TSPEAR: variants seen among roughly 807,000 people sequenced by gnomAD.
The protein encoded by TSPEAR is thrombospondin type laminin G domain and EAR repeats.
A neutral mutation model predicts 71.6 loss-of-function variants in TSPEAR; 69 were observed. The observed-to-expected ratio is 0.96, with a 90% CI of 0.79 to 1.18. TSPEAR has a LOEUF of 1.18. Among genes scored for constraint, TSPEAR ranks in the 50% most tolerant of loss-of-function variants. TSPEAR has a pLI of 0.00. For missense variants in TSPEAR, 971 were observed against 894.9 expected, an observed-to-expected ratio of 1.09 and a Z score of -1.09; for synonymous variants, 402 against 387.2, an observed-to-expected ratio of 1.04 and a Z score of -0.45.
intron 1 of TSPEAR, chr21:44,574,721 C>G: frequency 6.2e-7 from 1 of 1,609,336 alleles, no homozygotes. Context: ...GCGTGCCCGT[C>G]TGCTGCAAGC....
At chr21:44,551,549 G>C in intron 2 of TSPEAR, 1 of 1,312,460 alleles carries the variant, frequency 7.6e-7, no homozygotes, top group South Asian at 2.4e-5. Flanking sequence ...TGAGCCTGTT[G>C]GCTGCTGGGG....
At chr21:44,549,407 C>T (rs1555918177) in intron 2 of TSPEAR, among the ~76,000 whole-genome samples, 1 of 152,226 alleles carries the variant, frequency 6.6e-6, no homozygotes, top group African/African-American at 2.4e-5. Context: ...CAGTCAGGGC[C>T]ATCCACCTGG....
At chr21:44,620,521 C>T (rs1247898064) in intron 1 of TSPEAR, among the ~76,000 whole-genome samples, 4 of 152,180 alleles carry the variant, frequency 2.6e-5, no homozygotes, top group Admixed American at 2.6e-4. Context: ...TAGTGATGTT[C>T]CCATTTTCAT....
rs587763473 is a variant in TSPEAR at position 44,611,952 on chromosome 21, G to T, written c.83-43947C>A. ...AGTAAACTAATTAGGGTTGCCTGGA[G>T]GCAAAGTCTCAGCCACAACAAGGAA... On this transcript the variant is annotated intron_variant, in intron 1 of 11. Transcript: ENST00000323084. 7.4e-6 allele frequency: 6 copies of T among 814,110 alleles called. No homozygotes were observed. The Admixed American group carries it at 1.5e-4, about 20-fold the overall frequency. 50.4% of individuals were successfully genotyped at this position (814,110 alleles called of 1,614,324 possible). A position where few individuals can be genotyped will look rare whatever the true frequency, so the allele number is the denominator to read the frequency against.
intron 1 of TSPEAR, chr21:44,601,825 C>T: frequency 5.3e-6 from 8 of 1,515,150 alleles, no homozygotes; most frequent in Non-Finnish European, 6.2e-6. Flanking sequence ...ACATCCCGCT[C>T]CTAAGCCCTG....
At chr21:44,592,543 G>A in intron 1 of TSPEAR, 1 of 1,555,226 alleles carries the variant, frequency 6.4e-7, no homozygotes, top group Non-Finnish European at 8.7e-7. Flanking sequence ...GAGGCTCTCG[G>A]GCTTTTATTC....
At chr21:44,572,106 A>T (rs587649142) in intron 1 of TSPEAR, among the ~76,000 whole-genome samples, 1 of 152,302 alleles carries the variant, frequency 6.6e-6, no homozygotes, top group South Asian at 2.1e-4. Flanking sequence ...CTCCTGTGGG[A>T]TTCCTCCCCC....
chr21:44,612,685 G>T lies in TSPEAR; in HGVS notation c.83-44680C>A. On this transcript the variant is annotated intron_variant, in intron 1 of 11. Transcript: ENST00000323084. This position sits in a 1 kb window ranked among gnomAD's most constrained non-coding sequence, Gnocchi z 4.1. ...GCTGCCAGAAGTCTAGCTGCCAGCC[G>T]GCTTGCTGCACCACCTCCTGCTGCA... is the stretch of plus-strand genomic sequence containing the variant. The T allele has an allele frequency of 6.2e-7, 1 of 1,613,830 alleles. No homozygotes were observed.
intron 2 of TSPEAR, chr21:44,539,625 A>C (rs782121574): frequency 3.1e-6 from 5 of 1,612,662 alleles, no homozygotes; most frequent in Admixed American, 3.3e-5. Context: ...CAGGGGGAGG[A>C]GGTGCAGCAA....
intron 3 of TSPEAR, among the ~76,000 whole-genome samples, chr21:44,532,095 A>G (rs1555915830): frequency 1.3e-5 from 2 of 152,226 alleles, no homozygotes; most frequent in African/African-American, 4.8e-5. Context: ...CTGGCCCCCA[A>G]GCCCTGGCCT....
At position 44,646,679 on chromosome 21, in the gene TSPEAR, C is replaced by T. The variant is rs1360850328; in HGVS notation, c.82+64754G>A. 8 of 1,613,956 alleles carry T rather than the reference C, an allele frequency of 5.0e-6. No individual in the cohort carries two copies. The African/African-American group carries it at 1.1e-4, about 22-fold the overall frequency. ...GCCTGCCAATCAGGCTGCACCAGCTCCTGCACGCCGTCATGCTGCCAGCAG... is the reference window on the plus strand; with the variant it reads ...GCCTGCCAATCAGGCTGCACCAGCTTCTGCACGCCGTCATGCTGCCAGCAG... On this transcript the variant is annotated intron_variant, in intron 1 of 11. Transcript: ENST00000323084.
chr21:44,685,033 C>A (rs1189680148), intron 1 of TSPEAR, among the ~76,000 whole-genome samples: 1 of 152,176 alleles, frequency 6.6e-6, no homozygotes, highest in Admixed American at 6.5e-5. Context: ...CACATGGCCA[C>A]AGATCGGCTC....
At chr21:44,540,809 G>A (rs1302335310) in intron 2 of TSPEAR, among the ~76,000 whole-genome samples, 1 of 152,200 alleles carries the variant, frequency 6.6e-6, no homozygotes, top group Admixed American at 6.5e-5. Context: ...CCTTCCCCGA[G>A]GTCCACTCAG....
intron 1 of TSPEAR, among the ~76,000 whole-genome samples, chr21:44,597,096 G>T (rs1172013595): frequency 6.6e-6 from 1 of 151,890 alleles, no homozygotes; most frequent in African/African-American, 2.4e-5. Flanking sequence ...TTATTGACAG[G>T]TGTATTAACA....
intron 1 of TSPEAR, chr21:44,681,588 A>T: frequency 2.0e-6 from 1 of 490,522 alleles, no homozygotes; most frequent in South Asian, 4.9e-5. Flanking sequence ...GCATGGGGAA[A>T]GCTGGTTTAT....
intron 1 of TSPEAR, chr21:44,654,607 T>A (rs782791830): frequency 1.3e-6 from 2 of 1,556,388 alleles, no homozygotes; most frequent in South Asian, 2.4e-5. Flanking sequence ...GTGGCTGGTG[T>A]GGCACATGAT....
At chr21:44,521,522 CAGATT>C (rs1281406649) in intron 9 of TSPEAR, among the ~76,000 whole-genome samples, 1 of 152,228 alleles carries the variant, frequency 6.6e-6, no homozygotes, top group Non-Finnish European at 1.5e-5. Context: ...CATACAGACT[CAGATT>C]AGACCGCGGG....
At chr21:44,517,781 TCCAGGGCTGCCGATGGGAAATC>T (rs1569159158) in intron 9 of TSPEAR, 1 of 471,216 alleles carries the variant, frequency 2.1e-6, no homozygotes, top group Admixed American at 2.3e-5. Context: ...CCTCCTGATA[TCCAGGGCTGCCGATGGGAAATC>T]CCAGGCTGCC....
intron 1 of TSPEAR, among the ~76,000 whole-genome samples, chr21:44,665,108 T>G (rs782812539): frequency 2.6e-5 from 4 of 152,352 alleles, no homozygotes; most frequent in Middle Eastern, 6.8e-3. Context: ...CAAGCATTTA[T>G]ATGTCTGGGT....
Sources: gnomAD v4.1 joint callset for allele counts (sites outside exome capture counted in the v4.1 genomes callset) on GRCh38, gnomAD v4.1.1 for gene constraint, Gnocchi (gnomAD v3.1) non-coding constraint, MANE v1.5 for transcripts, NCBI Gene and HGNC (gene_info 2026-07-23, HGNC 2026-07-21) for gene names.